The following ZNF507 variants were observed in gnomAD, a reference collection of about 807,000 sequenced individuals.
The protein encoded by ZNF507 is zinc finger protein 507.
A neutral mutation model predicts 80.0 loss-of-function variants in ZNF507; 29 were observed. That is an observed-to-expected ratio of 0.36 (90% CI 0.27 to 0.49). The LOEUF (loss-of-function observed/expected upper bound fraction) is 0.49. Among genes scored for constraint, ZNF507 ranks in the 20% least tolerant of loss-of-function variants. The probability of loss-of-function intolerance (pLI) is 0.98; values close to 1 mark genes in which losing one functional copy is unlikely to be tolerated. For synonymous variants in ZNF507, 462 were observed against 422.5 expected, an observed-to-expected ratio of 1.09 and a Z score of -1.15; for missense variants, 1,081 against 1,152.2, an observed-to-expected ratio of 0.94 and a Z score of 0.90.
chr19:32,374,382 T>A (rs1168235643), intron 5 of ZNF507, among the ~76,000 whole-genome samples: 2 of 152,110 alleles, frequency 1.3e-5, no homozygotes, highest in African/African-American at 4.8e-5. Flanking sequence ...TTTGTAACAG[T>A]TTTTAATTTT....
At chr19:32,364,370 G>A (rs1018147029) in intron 5 of ZNF507, among the ~76,000 whole-genome samples, 7 of 151,792 alleles carry the variant, frequency 4.6e-5, no homozygotes, top group African/African-American at 1.7e-4. Flanking sequence ...TTGAGGTACA[G>A]GTGGTGTTTG....
At position 32,376,588 on chromosome 19, in the gene ZNF507, A is replaced by G. The variant is rs144491693; in HGVS notation, c.2361-5879A>G. Among the ~76,000 whole-genome samples the G allele has an allele frequency of 1.8e-3, 273 of 152,352 alleles. 3 individuals are homozygous for G. The highest frequency in any genetic ancestry group is 6.0e-3 in the African/African-American group (248 of 41,586). On this transcript the variant is annotated intron_variant, in intron 5 of 6. Transcript: ENST00000355898. ...TTTGAGCAACAAAATAAATAGTGCA[A>G]TACAGAATTTGCACCAATGTAGGGA...
At position 32,354,929 on chromosome 19, in the gene ZNF507, A is replaced by G. The variant is rs750705534; in HGVS notation, c.2099A>G (p.Lys700Arg). The change falls in exon 3 of 7, where the codon AAG becomes AGG. Residue 700 changes from lysine (K) to arginine (R), a missense_variant. Coordinates refer to ENST00000355898, the MANE Select transcript of ZNF507 (RefSeq NM_001136156.2). The stretch of plus-strand genomic sequence containing the variant: ...TGTAAGACAAGAATATACCAGTGCA[A>G]GCAGTGTGAAGAATCCTTCCATTAT... The part of the protein sequence containing the change: ...HHCKTRIYQC[K>R]QCEESFHYKS... The G allele has an allele frequency of 1.2e-6, 2 of 1,611,096 alleles. No individual in the cohort carries two copies. Among genetic ancestry groups the G allele is most frequent in the Non-Finnish European group, 1.7e-6 (2 of 1,178,440 alleles).
At chr19:32,379,530 TCCTC>T (rs1266648921) in intron 5 of ZNF507, among the ~76,000 whole-genome samples, 2 of 152,212 alleles carry the variant, frequency 1.3e-5, no homozygotes, top group Non-Finnish European at 2.9e-5. Flanking sequence ...CTTCACCCCT[TCCTC>T]CTGAGAGGTA....
In ZNF507 at chr19:32,382,526, A is replaced by G. The variant is rs752697151; in HGVS notation, c.2420A>G (p.Lys807Arg). 2 of 1,614,198 alleles carry G rather than the reference A, an allele frequency of 1.2e-6. No homozygotes were observed. The highest frequency in any genetic ancestry group is 2.2e-5 in the South Asian group (2 of 91,088). The change falls in exon 6 of 7, where the codon AAA becomes AGA. Residue 807 changes from lysine to arginine, a missense_variant. Physicochemically the swap from Lys to Arg is conservative, Grantham distance 26. Around this residue, in one of 6 missense-constraint regions of ZNF507, gnomAD observed 11 missense variants for 37.1 expected, o/e 0.30. Coordinates refer to ENST00000355898, the MANE Select transcript of ZNF507 (RefSeq NM_001136156.2). ...CCTTCTTTGAAGTCTCATATGTGGA[A>G]ACATGCAAGTGACCAAAATTACAAC... ...HPPSLKSHMW[K>R]HASDQNYNYE...
At chr19:32,351,535 G>GGGGGGGGA (rs901951859) in intron 2 of ZNF507, among the ~76,000 whole-genome samples, 3 of 75,610 alleles carry the variant, frequency 4.0e-5, no homozygotes, top group Non-Finnish European at 7.7e-5. Context: ...CGTGGGGGCG[G>GGGGGGGGA]GCGGGGCCTG....
Position 32,382,749 on chromosome 19 carries a change from T to C in ZNF507, c.2528T>C (p.Leu843Ser). The C allele has an allele frequency of 1.2e-6, 2 of 1,613,444 alleles. No homozygotes were observed. Among genetic ancestry groups the C allele is most frequent in the Non-Finnish European group, 1.7e-6 (2 of 1,179,728 alleles). The change falls in exon 7 of 7, where the codon TTA becomes TCA. Residue 843 changes from leucine to serine, a missense_variant. By Grantham distance (145) the Leu-to-Ser change is moderately radical. This residue lies in a region of ZNF507 where 138 missense variants were observed against 158.4 expected (regional missense o/e 0.87). Transcript: ENST00000355898. ...GGGAAATCCCCTGGAAAGACTCAAT[T>C]AAAGAGCAGTGAAGAGAGTGCAGAT... Reference protein sequence around the residue: ...VLGKSPGKTQLKSSEESADPV... With the variant: ...VLGKSPGKTQSKSSEESADPV...
intron 5 of ZNF507, among the ~76,000 whole-genome samples, chr19:32,365,966 T>C (rs1967392951): frequency 6.6e-6 from 1 of 152,222 alleles, no homozygotes; most frequent in African/African-American, 2.4e-5. Context: ...TGTGTAAGTT[T>C]AATTTGTGCT....
chr19:32,352,827 A>G lies in ZNF507; in HGVS notation c.-2-2A>G, dbSNP rs1475929644. The G allele has an allele frequency of 1.3e-6, 2 of 1,558,966 alleles. No homozygotes were observed. Among genetic ancestry groups the G allele is most frequent in the Non-Finnish European group, 1.7e-6 (2 of 1,158,722 alleles). On this transcript the variant is annotated splice_acceptor_variant, in intron 2 of 6. Coordinates refer to ENST00000355898, the MANE Select transcript of ZNF507 (RefSeq NM_001136156.2). LOFTEE classifies it low-confidence loss of function (5UTR_SPLICE). Reference sequence around the variant, plus strand: ...TTTTCTGTTTTACATTATCCTTTTTAGATATGGAAGAAAGTAGCAGTGTTG... The same window carrying G: ...TTTTCTGTTTTACATTATCCTTTTTGGATATGGAAGAAAGTAGCAGTGTTG...
At chr19:32,373,564 A>T (rs746048356) in intron 5 of ZNF507, among the ~76,000 whole-genome samples, 23 of 152,168 alleles carry the variant, frequency 1.5e-4, no homozygotes, top group Non-Finnish European at 3.4e-4. Flanking sequence ...TGTCATCATC[A>T]TGAAATGTCT....
intron 5 of ZNF507, among the ~76,000 whole-genome samples, chr19:32,373,217 G>T (rs1256155062): frequency 7.0e-6 from 1 of 142,324 alleles, no homozygotes; most frequent in Non-Finnish European, 1.5e-5. Context: ...AGGAATTTCG[G>T]GGGGGGCACA....
At chr19:32,372,597 G>C (rs531775086) in intron 5 of ZNF507, among the ~76,000 whole-genome samples, 206 of 152,060 alleles carry the variant, frequency 1.4e-3, no homozygotes, top group South Asian at 2.5e-3. Flanking sequence ...GTCAAAAAAG[G>C]GGGGACACAT....
intron 2 of ZNF507, among the ~76,000 whole-genome samples, chr19:32,348,231 A>C (rs1967120116): frequency 6.6e-6 from 1 of 152,150 alleles, no homozygotes; most frequent in African/African-American, 2.4e-5. Flanking sequence ...GAGCAAAATA[A>C]ATTTGTCATA....
intron 5 of ZNF507, among the ~76,000 whole-genome samples, chr19:32,362,046 G>A (rs112118478): frequency 0.013 from 1,958 of 152,172 alleles, 50 homozygotes; most frequent in African/African-American, 0.043. Flanking sequence ...AGCCTCCCAA[G>A]TAGCTGGGAC....
At chr19:32,362,439 A>G (rs1039321214) in intron 5 of ZNF507, among the ~76,000 whole-genome samples, 1 of 152,176 alleles carries the variant, frequency 6.6e-6, no homozygotes, top group African/African-American at 2.4e-5. Context: ...TATTGAGCAA[A>G]TATTATGCTT....
chr19:32,366,216 A>G (rs1270495514), intron 5 of ZNF507, among the ~76,000 whole-genome samples: 1 of 152,186 alleles, frequency 6.6e-6, no homozygotes, highest in Non-Finnish European at 1.5e-5. Flanking sequence ...AATTTTTTAA[A>G]TAGATTTTAT....
chr19:32,373,116 C>T (rs1004787393), intron 5 of ZNF507, among the ~76,000 whole-genome samples: 3 of 152,158 alleles, frequency 2.0e-5, no homozygotes, highest in Non-Finnish European at 2.9e-5. Context: ...GGGCATTAAT[C>T]GTATTCACAA....
intron 5 of ZNF507, among the ~76,000 whole-genome samples, chr19:32,376,064 C>G (rs1163725292): frequency 6.6e-6 from 1 of 152,242 alleles, no homozygotes; most frequent in Admixed American, 6.5e-5. Flanking sequence ...AATGGAATTC[C>G]ACCAATTCCA....
chr19:32,383,679 A>G lies in ZNF507; in HGVS notation c.*596A>G, dbSNP rs542083257. ...GGACATGTTCCTTTACTCCTTAAAA[A>G]AGAAAGGAAAGATCTCTAAATTCAA... On this transcript the variant is annotated 3_prime_UTR_variant, in exon 7 of 7. Coordinates refer to ENST00000355898, the MANE Select transcript of ZNF507 (RefSeq NM_001136156.2). The G allele has an allele frequency of 2.0e-5, 3 of 152,348 alleles. No homozygotes were observed. The East Asian group carries it at 5.8e-4, about 29-fold the overall frequency. 9.4% of individuals were successfully genotyped at this position (152,348 alleles called of 1,614,324 possible). A position where few individuals can be genotyped will look rare whatever the true frequency, so the allele number is the denominator to read the frequency against.
Sources: allele counts gnomAD v4.1 joint callset (sites outside exome capture counted in the v4.1 genomes callset), GRCh38; gene constraint gnomAD v4.1.1; regional missense constraint gnomAD v4.1.1; transcripts MANE v1.5; gene names NCBI Gene and HGNC (gene_info 2026-07-23, HGNC 2026-07-21).